Variants in TPRG1 observed in about 807,000 individuals in gnomAD.
TPRG1 encodes the protein tumor protein p63 regulated 1.
In TPRG1, 29 loss-of-function variants were observed where a neutral mutation model predicts 29.3. The observed-to-expected ratio is 0.99, with a 90% CI of 0.74 to 1.35. The LOEUF is 1.35. Ranked by LOEUF, TPRG1 falls within the 40% of genes most tolerant of loss-of-function variation. TPRG1 has a pLI of 0.00. For missense variants in TPRG1, 327 were observed against 335.0 expected, an observed-to-expected ratio of 0.98 and a Z score of 0.19; for synonymous variants, 130 against 116.8, an observed-to-expected ratio of 1.11 and a Z score of -0.73.
intron 4 of TPRG1, among the ~76,000 whole-genome samples, chr3:189,063,076 C>A (rs1716218620): frequency 6.6e-6 from 1 of 151,914 alleles, no homozygotes; most frequent in Non-Finnish European, 1.5e-5. Flanking sequence ...AAAAAATTTA[C>A]CATGCAAACT....
chr3:189,001,704 T>G (rs1377068532), intron 2 of TPRG1, among the ~76,000 whole-genome samples: 1 of 152,154 alleles, frequency 6.6e-6, no homozygotes. Context: ...GAAGACAAGA[T>G]GAGCTCCATG....
intron 4 of TPRG1, among the ~76,000 whole-genome samples, chr3:189,055,221 T>G (rs1476828387): frequency 6.6e-6 from 1 of 152,202 alleles, no homozygotes; most frequent in Non-Finnish European, 1.5e-5. Context: ...CTGTCTTTCT[T>G]CTAGTGTTAT....
chr3:189,079,534 C>T (rs1717444660), intron 4 of TPRG1, among the ~76,000 whole-genome samples: 1 of 152,060 alleles, frequency 6.6e-6, no homozygotes, highest in South Asian at 2.1e-4. Context: ...GTGGTGTTTT[C>T]TCATTGTTTA....
chr3:189,032,705 TCATTTAG>T (rs1713999847), intron 4 of TPRG1, among the ~76,000 whole-genome samples: 1 of 151,034 alleles, frequency 6.6e-6, no homozygotes, highest in Admixed American at 6.6e-5. Flanking sequence ...CGTTAACTCG[TCATTTAG>T]CATTAGGTGT....
chr3:189,111,110 A>T (rs1720460824), intron 1 of TPRG1, among the ~76,000 whole-genome samples: 1 of 112,240 alleles, frequency 8.9e-6, no homozygotes, highest in African/African-American at 7.5e-5. Flanking sequence ...CTAAAAAAAC[A>T]AACAAACAAA....
At chr3:189,004,857 T>TA (rs1300282527) in intron 3 of TPRG1, 2 of 152,166 alleles carry the variant, frequency 1.3e-5, no homozygotes, top group Non-Finnish European at 2.9e-5. Context: ...TTTAAAATTT[T>TA]ATTTTTATTT....
intron 4 of TPRG1, among the ~76,000 whole-genome samples, chr3:189,292,291 G>GTTT (rs1719129677): frequency 1.4e-4 from 12 of 83,582 alleles, no homozygotes; most frequent in African/African-American, 5.3e-4. Flanking sequence ...TGAAGTTTTT[G>GTTT]CTTTTTTTTT....
At chr3:189,127,928 C>T (rs1223516901) in intron 2 of TPRG1, among the ~76,000 whole-genome samples, 1 of 152,100 alleles carries the variant, frequency 6.6e-6, no homozygotes. Context: ...AGTCTTCCTC[C>T]TCTTCTCTTT....
chr3:189,235,288 A>G (rs1167412601), intron 3 of TPRG1, among the ~76,000 whole-genome samples: 3 of 148,786 alleles, frequency 2.0e-5, no homozygotes, highest in Non-Finnish European at 4.4e-5. Flanking sequence ...CAGCAAGAGT[A>G]TATGTAAGTA....
rs1175619202 is a variant in TPRG1 at position 189,226,797 on chromosome 3, CAAAAAAA to C, written c.302+11423_302+11429del. ...AATGGAAAGCATCTAGCAAGGCTGA[CAAAAAAA>C]AAAAAAAAGAAAAAGAAAAAAGAGG... On this transcript the variant is annotated intron_variant, in intron 3 of 5. Coordinates refer to ENST00000345063, the MANE Select transcript of TPRG1 (RefSeq NM_198485.4). Among the ~76,000 whole-genome samples the C allele has an allele frequency of 1.3e-3, 107 of 81,770 alleles. 1 individual carries two copies. The highest frequency in any genetic ancestry group is 9.3e-3 in the Admixed American group (69 of 7,420). 53.6% of individuals were successfully genotyped at this position (81,770 alleles called of 152,430 possible).
intron 2 of TPRG1, 30 bp downstream of exon 2, chr3:189,207,624 A>G: frequency 1.0e-5 from 16 of 1,602,624 alleles, no homozygotes; most frequent in Non-Finnish European, 1.4e-5. Context: ...TAAATACTAT[A>G]TAAAAATTCA....
chr3:189,237,483 GA>G (rs1210222039), intron 3 of TPRG1, among the ~76,000 whole-genome samples: 1 of 152,110 alleles, frequency 6.6e-6, no homozygotes, highest in African/African-American at 2.4e-5. Flanking sequence ...CTGCAAAGAG[GA>G]AAATATGTCT....
intron 5 of TPRG1, 40 bp from the exon 6 acceptor site, chr3:189,320,586 T>G (rs369432781): frequency 7.2e-5 from 111 of 1,542,758 alleles, no homozygotes; most frequent in Non-Finnish European, 9.3e-5. Context: ...CAACTTAATC[T>G]ACAGTAACTA....
At chr3:189,118,248 C>T (rs969454579) in intron 1 of TPRG1, among the ~76,000 whole-genome samples, 3 of 152,172 alleles carry the variant, frequency 2.0e-5, no homozygotes, top group Admixed American at 6.5e-5. Flanking sequence ...TGGCCGCATT[C>T]TACCCCTGCC....
At chr3:189,252,134 A>G (rs952416413) in intron 4 of TPRG1, among the ~76,000 whole-genome samples, 1 of 152,186 alleles carries the variant, frequency 6.6e-6, no homozygotes, top group African/African-American at 2.4e-5. Context: ...TTAACAAAGC[A>G]CATCTTGCAC....
chr3:189,104,838 T>C (rs560510159), intron 1 of TPRG1, among the ~76,000 whole-genome samples: 1 of 152,232 alleles, frequency 6.6e-6, no homozygotes, highest in Non-Finnish European at 1.5e-5. Flanking sequence ...CCTGTTACCT[T>C]CATCTGCATA....
At chr3:189,157,809 C>A (rs1031153553) in intron 5 of TPRG1, among the ~76,000 whole-genome samples, 29 of 152,254 alleles carry the variant, frequency 1.9e-4, no homozygotes, top group African/African-American at 7.0e-4. Context: ...ACCTGTAGGA[C>A]CCATGTGACA....
At chr3:189,069,979 G>A (rs1398795674) in intron 4 of TPRG1, among the ~76,000 whole-genome samples, 1 of 152,168 alleles carries the variant, frequency 6.6e-6, no homozygotes, top group Non-Finnish European at 1.5e-5. Flanking sequence ...TACTCGGGAG[G>A]CTGAGGCAGG....
At chr3:189,276,425 G>T (rs1716152496) in intron 4 of TPRG1, among the ~76,000 whole-genome samples, 1 of 152,148 alleles carries the variant, frequency 6.6e-6, no homozygotes, top group African/African-American at 2.4e-5. Context: ...TGGTTTCAAA[G>T]GAATTGTGTG....
Sources: allele counts gnomAD v4.1 joint callset (sites outside exome capture counted in the v4.1 genomes callset), GRCh38; gene constraint gnomAD v4.1.1; transcripts MANE v1.5; gene names NCBI Gene and HGNC (gene_info 2026-07-23, HGNC 2026-07-21).